The following HDAC6 variants were observed in gnomAD, a reference collection of about 807,000 sequenced individuals.
The protein encoded by HDAC6 is protein deacetylase HDAC6.
In HDAC6, 5 loss-of-function variants were observed where a neutral mutation model predicts 88.9. That is an observed-to-expected ratio of 0.06 (90% CI 0.03 to 0.12). The LOEUF (loss-of-function observed/expected upper bound fraction) is 0.12, where lower values mean the gene tolerates loss of function less well. HDAC6 is among the 10% of genes least tolerant of loss of function. HDAC6 has a pLI of 1.00. For synonymous variants in HDAC6, 378 were observed against 398.0 expected (o/e 0.95, Z 0.60); for missense variants, 706 against 1,014.4 (o/e 0.70, Z 4.13).
rs782515550 is a variant in HDAC6, at chrX:48,805,510, C to T, written c.384C>T (p.Cys128=). The T allele has an allele frequency of 1.4e-5, 17 of 1,205,686 alleles. No individual in the cohort carries two copies. The highest frequency in any genetic ancestry group is 1.3e-4 in the Admixed American group (6 of 45,627). ...QLIQEGLLDR[C]VSFQARFAEK... ...TCCAGGAGGGCCTCCTAGATCGCTG[C>T]GTGTCCTTTCAGGTAAGGCCCCCAA... The change falls in exon 5 of 29, where the codon TGC becomes TGT. Residue 128 remains cysteine (C), a synonymous_variant. Transcript: ENST00000334136.
chrX:48,816,488 G>T lies in HDAC6; in HGVS notation c.1646G>T (p.Arg549Leu). ...AGTGCTGAGTACGTGGGTCATCTCC[G>T]GGCCACAGAGAAAATGAAAACCCGG... is the stretch of plus-strand genomic sequence containing the variant. ...CHSAEYVGHL[R>L]ATEKMKTREL... The change falls in exon 19 of 29, where the codon CGG (arginine) becomes CTG (leucine). Residue 549 changes from arginine to leucine, a missense_variant. Transcript: ENST00000334136. The T allele has an allele frequency of 8.3e-7, 1 of 1,205,766 alleles. No individual in the cohort carries two copies.
intron 23 of HDAC6, among the ~76,000 whole-genome samples, chrX:48,821,591 C>T (rs1321950405): frequency 9.9e-6 from 1 of 101,106 alleles, no homozygotes; most frequent in Non-Finnish European, 2.0e-5. Context: ...CAGCCTCTAT[C>T]TCCCAGGCTC....
chrX:48,819,834 C>T, intron 22 of HDAC6: 1 of 437,543 alleles, frequency 2.3e-6, no homozygotes, highest in Non-Finnish European at 4.2e-6. Flanking sequence ...GCCACCATGC[C>T]CGGCCCCCAT....
intron 18 of HDAC6, 78 bp downstream of exon 18, chrX:48,816,347 C>A: frequency 8.8e-7 from 1 of 1,142,831 alleles, no homozygotes; most frequent in East Asian, 3.2e-5. Flanking sequence ...TGGGTTTCCC[C>A]TCCTGGGGAG....
intron 10 of HDAC6, chrX:48,814,139 T>G: frequency 1.1e-5 from 3 of 283,452 alleles, no homozygotes; most frequent in Non-Finnish European, 1.3e-5. Flanking sequence ...GGGGCAGCGA[T>G]GTTTGCTGAG....
chrX:48,822,961 G>A lies in HDAC6; in HGVS notation c.2562G>A (p.Lys854=). Residue 854 remains lysine, a synonymous_variant, in exon 25 of 29, where the codon AAG becomes AAA. Coordinates refer to ENST00000334136, the MANE Select transcript of HDAC6 (RefSeq NM_006044.4). ...GPSSSKLVTK[K]APQPAKPRLA... ...CCAGTTCTAAGTTGGTCACCAAGAA[G>A]GCACCCCAACCAGCCAAACCTAGGT... 8.3e-7 allele frequency: 1 copy of A among 1,205,918 alleles called. No homozygotes were observed.
At chrX:48,824,424 G>A (rs942510074) in intron 28 of HDAC6, 120 bp from the exon 29 acceptor site, 36 of 1,064,132 alleles carry the variant, frequency 3.4e-5, no homozygotes, top group African/African-American at 1.3e-4. Flanking sequence ...TGCATGGGGC[G>A]GGGGCTGTGG....
In HDAC6 at chrX:48,820,236, G is replaced by A. The variant is rs186499554; in HGVS notation, c.2318G>A (p.Arg773His). ...CTGCTGATGGGCCTTGCCAGTGGCC[G>A]CATTATCCTTATCCTAGAGGTAACT... ...THLLMGLASG[R>H]IILILEGGYN... is the part of the protein sequence containing the mutation. The change falls in exon 23 of 29, where the codon CGC becomes CAC. Residue 773 changes from arginine (R) to histidine (H), a missense_variant. Arg to His is a conservative substitution (Grantham distance 29, BLOSUM62 0). Coordinates refer to ENST00000334136, the MANE Select transcript of HDAC6 (RefSeq NM_006044.4). 22 of 1,192,272 alleles carry A rather than the reference G, an allele frequency of 1.8e-5. No individual in the cohort carries two copies. Among genetic ancestry groups the A allele is most frequent in the Admixed American group, 9.2e-5 (4 of 43,410 alleles).
rs782459429 is a variant in HDAC6, at chrX:48,822,472, G to C, written c.2338-148G>C. 3 of 402,205 alleles carry C rather than the reference G, an allele frequency of 7.5e-6. No individual in the cohort carries two copies. In the East Asian group the frequency reaches 1.2e-4, roughly 16 times the overall value. The allele number at this position is 402,205 out of a possible 1,213,427, so 33.1% of individuals were successfully genotyped here. A position where few individuals can be genotyped will look rare whatever the true frequency, so the allele number is the denominator to read the frequency against. On this transcript the variant is annotated intron_variant, in intron 23 of 28. Coordinates refer to ENST00000334136, the MANE Select transcript of HDAC6 (RefSeq NM_006044.4). ...TGGGTGCTGCCTATCTTAAAGGTGT[G>C]GGTTCTGTTCACTTGTTCTCAGTAC...
At position 48,818,041 on chromosome X, in the gene HDAC6, G is replaced by C; in HGVS notation, c.1926G>C (p.Arg642=). The change falls in exon 21 of 29, where the codon CGG becomes CGC. Residue 642 remains arginine, a splice_region_variant and synonymous_variant. Coordinates refer to ENST00000334136, the MANE Select transcript of HDAC6 (RefSeq NM_006044.4). ...HAQTISGHAL[R]ILIVDWDVHH... ...TACTGAGGTGCTGTCTCCTCCCCAG[G>C]ATCCTGATTGTGGATTGGGATGTCC... The C allele has an allele frequency of 8.4e-7, 1 of 1,193,897 alleles. No individual in the cohort carries two copies. The highest frequency in any genetic ancestry group is 1.1e-6 in the Non-Finnish European group (1 of 886,407).
At chrX:48,819,428 G>T (rs1434558090) in intron 22 of HDAC6, 2 of 125,844 alleles carry the variant, frequency 1.6e-5, no homozygotes, top group Non-Finnish European at 3.2e-5. Flanking sequence ...CCTGTATCTT[G>T]TGTATGTGTG....
chrX:48,816,762 G>GGGGGGGGC, intron 19 of HDAC6, 129 bp downstream of exon 19: 1 of 427,666 alleles, frequency 2.3e-6, no homozygotes, highest in Non-Finnish European at 3.8e-6. Flanking sequence ...AGGGGCACGG[G>GGGGGGGGC]AGGGGGTGGG....
intron 20 of HDAC6, 45 bp downstream of exon 20, chrX:48,817,504 A>G (rs782797482): frequency 6.9e-5 from 79 of 1,136,934 alleles, no homozygotes; most frequent in Non-Finnish European, 8.8e-5. Context: ...CCTTGTGGGG[A>G]CCTGGATGCT....
chrX:48,815,056 G>GTGAC lies in HDAC6; in HGVS notation c.1149+7_1149+10dup, dbSNP rs2062961276. The GTGAC allele has an allele frequency of 1.7e-6, 2 of 1,178,977 alleles. No homozygotes were observed. Among genetic ancestry groups the GTGAC allele is most frequent in the Non-Finnish European group, 2.3e-6 (2 of 873,267 alleles). On this transcript the variant is annotated splice_donor_region_variant and intron_variant, in intron 14 of 28. Coordinates refer to ENST00000334136, the MANE Select transcript of HDAC6 (RefSeq NM_006044.4). The stretch of plus-strand genomic sequence containing the variant: ...AAGCTGATCCTGTCTCTGGAGGTGA[G>GTGAC]TGACTCACCTTCGTCCCTCAGCCTG...
chrX:48,808,995 T>G (rs1348310137), intron 10 of HDAC6, among the ~76,000 whole-genome samples: 1 of 112,657 alleles, frequency 8.9e-6, no homozygotes, highest in Non-Finnish European at 1.9e-5. Flanking sequence ...CTGGGACATT[T>G]CTCCATGTTA....
chrX:48,806,268 T>C (rs921336746), intron 6 of HDAC6, 100 bp from the exon 7 acceptor site: 7 of 530,077 alleles, frequency 1.3e-5, no homozygotes, highest in Admixed American at 5.3e-5. Flanking sequence ...AGGTTGACAG[T>C]TGGGGGAGCC....
intron 4 of HDAC6, among the ~76,000 whole-genome samples, 171 bp from the exon 5 acceptor site, chrX:48,805,264 TAGC>T: frequency 9.0e-6 from 1 of 111,158 alleles, no homozygotes; most frequent in Non-Finnish European, 1.9e-5. Context: ...GGTATGGTAA[TAGC>T]AGTGGCAGTG....
In HDAC6 at chrX:48,808,091, G is replaced by A; in HGVS notation, c.691G>A (p.Val231Met). The A allele has an allele frequency of 1.7e-6, 2 of 1,207,834 alleles. No individual in the cohort carries two copies. Among genetic ancestry groups the A allele is most frequent in the Non-Finnish European group, 2.2e-6 (2 of 893,374 alleles). Residue 231 changes from valine (V) to methionine (M), a missense_variant, in exon 9 of 29, where the codon GTG (valine) becomes ATG (methionine). Physicochemically the swap from Val to Met is conservative, Grantham distance 21. Coordinates refer to ENST00000334136, the MANE Select transcript of HDAC6 (RefSeq NM_006044.4). Reference sequence around the variant, plus strand: ...GGATGGCTATTGCATGTTCAACCACGTGGCTGTGGCAGCCCGCTATGCTCA... The same window carrying A: ...GGATGGCTATTGCATGTTCAACCACATGGCTGTGGCAGCCCGCTATGCTCA... ...LMDGYCMFNH[V>M]AVAARYAQQK...
At position 48,823,243 on chromosome X, in the gene HDAC6, G is replaced by A. The variant is rs371445841; in HGVS notation, c.2844G>A (p.Pro948=). 1.1e-5 allele frequency: 13 copies of A among 1,200,285 alleles called. No homozygotes were observed. The highest frequency in any genetic ancestry group is 1.5e-5 in the Non-Finnish European group (13 of 890,322). ...TSEEAVGGAT[P]DQTTSEETVG... ...AGGAGGCTGTCGGGGGAGCCACTCCGGACCAGACCACCTCAGAGGAGACTG... is the reference window on the plus strand; with the variant it reads ...AGGAGGCTGTCGGGGGAGCCACTCCAGACCAGACCACCTCAGAGGAGACTG... Residue 948 remains proline, a synonymous_variant, in exon 25 of 29, where the codon CCG becomes CCA. Transcript: ENST00000334136.
Sources: gnomAD v4.1 joint callset for allele counts (sites outside exome capture counted in the v4.1 genomes callset) on GRCh38, gnomAD v4.1.1 for gene constraint, MANE v1.5 for transcripts, NCBI Gene and HGNC (gene_info 2026-07-23, HGNC 2026-07-21) for gene names.